TMPRSS11A: variants seen among roughly 807,000 people sequenced by gnomAD.
The protein encoded by TMPRSS11A is transmembrane serine protease 11A, also known as transmembrane protease serine 11A.
In TMPRSS11A, 53 loss-of-function variants were observed where a neutral mutation model predicts 58.9. That is an observed-to-expected ratio of 0.90 (90% CI 0.72 to 1.13). The LOEUF is 1.13. Among genes scored for constraint, TMPRSS11A ranks in the 50% most tolerant of loss-of-function variants. TMPRSS11A has a pLI of 0.00. For missense variants in TMPRSS11A, 493 were observed against 499.3 expected, an observed-to-expected ratio of 0.99 and a Z score of 0.12; for synonymous variants, 167 against 169.8, an observed-to-expected ratio of 0.98 and a Z score of 0.13.
At chr4:67,924,765 G>A (rs2109743057) in intron 5 of TMPRSS11A, among the ~76,000 whole-genome samples, 1 of 152,182 alleles carries the variant, frequency 6.6e-6, no homozygotes, top group East Asian at 1.9e-4. Flanking sequence ...AACAGTATGG[G>A]GGAAACTGCA....
intron 1 of TMPRSS11A, among the ~76,000 whole-genome samples, chr4:67,957,867 C>G (rs537824794): frequency 6.6e-6 from 1 of 152,264 alleles, no homozygotes; most frequent in African/African-American, 2.4e-5. Flanking sequence ...CAGGGTCCCT[C>G]TGCTGTGTGC....
Position 67,911,312 on chromosome 4 carries a change from C to A in TMPRSS11A, c.*30G>T. 1 of 1,609,448 alleles carries A rather than the reference C, an allele frequency of 6.2e-7. No individual in the cohort carries two copies. Among genetic ancestry groups the A allele is most frequent in the Non-Finnish European group, 8.5e-7 (1 of 1,176,824 alleles). ...TTCTCATGCATATATGACCTGCATACAGCTTTCTTTGTTTAACTTTTATCG... is the reference window on the plus strand; with the variant it reads ...TTCTCATGCATATATGACCTGCATAAAGCTTTCTTTGTTTAACTTTTATCG... On this transcript the variant is annotated 3_prime_UTR_variant, in exon 10 of 10. Transcript: ENST00000508048.
chr4:67,935,264 C>T (rs1231968342), intron 3 of TMPRSS11A, among the ~76,000 whole-genome samples: 3 of 152,172 alleles, frequency 2.0e-5, no homozygotes, highest in African/African-American at 4.8e-5. Flanking sequence ...CCATCTTCAA[C>T]ACCACCAGTA....
In TMPRSS11A at chr4:67,931,126, A is replaced by G. The variant is rs114630559; in HGVS notation, c.320+867T>C. 1.2e-3 allele frequency among the ~76,000 whole-genome samples: 180 copies of G among 152,236 alleles called. 1 individual carries two copies. Among genetic ancestry groups the G allele is most frequent in the Non-Finnish European group, 1.9e-3 (131 of 67,990 alleles). ...TGGTAAAGGAGAATTTGAAAACAGA[A>G]AACATGAAATCTAGAAAGTTCTAGC... On this transcript the variant is annotated intron_variant, in intron 4 of 9. Coordinates refer to ENST00000508048, the MANE Select transcript of TMPRSS11A (RefSeq NM_001114387.2).
intron 1 of TMPRSS11A, among the ~76,000 whole-genome samples, chr4:67,951,058 A>G (rs950707394): frequency 6.6e-6 from 1 of 152,252 alleles, no homozygotes; most frequent in African/African-American, 2.4e-5. Context: ...AAAGGATGTG[A>G]GTCCCCAGAG....
At chr4:67,915,903 G>A (rs1261099902) in intron 8 of TMPRSS11A, among the ~76,000 whole-genome samples, 1 of 152,184 alleles carries the variant, frequency 6.6e-6, no homozygotes, top group East Asian at 1.9e-4. Context: ...TTAACTGTTT[G>A]TGATTATTTG....
At position 67,946,116 on chromosome 4, in the gene TMPRSS11A, G is replaced by A. The variant is rs546987112; in HGVS notation, c.133+334C>T. Among the ~76,000 whole-genome samples the A allele has an allele frequency of 2.0e-3, 301 of 152,114 alleles. 2 individuals are homozygous for A. Among genetic ancestry groups the A allele is most frequent in the Middle Eastern group, 3.4e-3 (1 of 292 alleles). ...CATTTTAATATATAATAAGTGATGA[G>A]TTGTTTATTATAATTACTAGTAAGT... On this transcript the variant is annotated intron_variant, in intron 2 of 9. Coordinates refer to ENST00000508048, the MANE Select transcript of TMPRSS11A (RefSeq NM_001114387.2).
chr4:67,946,853 A>G (rs974972127), intron 1 of TMPRSS11A, among the ~76,000 whole-genome samples: 2 of 152,190 alleles, frequency 1.3e-5, no homozygotes, highest in Non-Finnish European at 2.9e-5. Context: ...GGTGGCATAC[A>G]TGCTTGAAAA....
chr4:67,962,116 AT>A (rs1010001984), intron 1 of TMPRSS11A, among the ~76,000 whole-genome samples: 6 of 152,108 alleles, frequency 3.9e-5, no homozygotes, highest in South Asian at 2.1e-4. Flanking sequence ...TTTTAAAATA[AT>A]TTTTTAACAG....
intron 1 of TMPRSS11A, among the ~76,000 whole-genome samples, chr4:67,957,117 C>T (rs1316573727): frequency 1.3e-5 from 2 of 152,150 alleles, no homozygotes; most frequent in African/African-American, 4.8e-5. Flanking sequence ...TCCATTAGAC[C>T]TCTTTCTTTT....
chr4:67,939,444 G>A (rs530600579), intron 3 of TMPRSS11A, among the ~76,000 whole-genome samples: 1 of 152,162 alleles, frequency 6.6e-6, no homozygotes, highest in South Asian at 2.1e-4. Flanking sequence ...AGAACTTCTA[G>A]TACTATGTTG....
Position 67,914,646 on chromosome 4 carries a change from T to A in TMPRSS11A, c.1037A>T (p.Asp346Val). ...VCKQPQVYGN[D>V]IKPGMFCAGY... The stretch of plus-strand genomic sequence containing the variant: ...GGCACAGAACATTCCAGGTTTTATA[T>A]CATTGCCATACACCTGTGGTTGCTT... Residue 346 changes from aspartate to valine, a missense_variant, in exon 9 of 10, where the codon GAT (aspartate) becomes GTT (valine). Asp to Val is a radical substitution (Grantham distance 152). Transcript: ENST00000508048. 1.2e-6 allele frequency: 2 copies of A among 1,613,646 alleles called. No homozygotes were observed. Among genetic ancestry groups the A allele is most frequent in the Non-Finnish European group, 1.7e-6 (2 of 1,179,636 alleles).
intron 8 of TMPRSS11A, among the ~76,000 whole-genome samples, chr4:67,915,754 A>T (rs1720127822): frequency 6.6e-6 from 1 of 152,156 alleles, no homozygotes; most frequent in African/African-American, 2.4e-5. Flanking sequence ...GAGACCTTCA[A>T]AGGAGCCACA....
intron 3 of TMPRSS11A, among the ~76,000 whole-genome samples, chr4:67,942,755 G>C (rs1276842418): frequency 6.6e-6 from 1 of 152,136 alleles, no homozygotes; most frequent in East Asian, 1.9e-4. Flanking sequence ...GGTCTATAAG[G>C]GGGTAAGTAG....
At chr4:67,953,128 G>C (rs551926441) in intron 1 of TMPRSS11A, among the ~76,000 whole-genome samples, 1 of 152,250 alleles carries the variant, frequency 6.6e-6, no homozygotes, top group Non-Finnish European at 1.5e-5. Context: ...TAATGCCTCT[G>C]CTGATCTAAC....
chr4:67,938,012 A>G (rs1336090304), intron 3 of TMPRSS11A, among the ~76,000 whole-genome samples: 1 of 152,158 alleles, frequency 6.6e-6, no homozygotes, highest in Non-Finnish European at 1.5e-5. Context: ...GAACCCATTT[A>G]CGTTTCCAAC....
chr4:67,945,232 G>A (rs1344888965), intron 2 of TMPRSS11A, among the ~76,000 whole-genome samples: 1 of 152,136 alleles, frequency 6.6e-6, no homozygotes, highest in Non-Finnish European at 1.5e-5. Context: ...TGTAAGAAAG[G>A]AAAGCAGTTG....
chr4:67,919,335 A>G (rs960581572), intron 7 of TMPRSS11A, 103 bp from the exon 8 acceptor site: 3 of 1,040,472 alleles, frequency 2.9e-6, no homozygotes, highest in African/African-American at 3.2e-5. Context: ...AATCCTGAGA[A>G]TACTTGGCTG....
chr4:67,950,980 G>C (rs548743490), intron 1 of TMPRSS11A, among the ~76,000 whole-genome samples: 1 of 152,340 alleles, frequency 6.6e-6, no homozygotes, highest in African/African-American at 2.4e-5. Flanking sequence ...GGCCAAGGCA[G>C]GCATCACCTT....
Sources: allele counts gnomAD v4.1 joint callset (sites outside exome capture counted in the v4.1 genomes callset), GRCh38; gene constraint gnomAD v4.1.1; transcripts MANE v1.5; gene names NCBI Gene and HGNC (gene_info 2026-07-23, HGNC 2026-07-21).